The following ERC2 variants were observed in gnomAD, a reference collection of about 807,000 sequenced individuals.
The protein encoded by ERC2 is ERC protein 2.
Under a neutral mutation model 114.8 loss-of-function variants are expected in ERC2, and 42 were observed. The ratio of observed to expected loss-of-function variants is 0.37; its 90% CI spans 0.29 to 0.47. The LOEUF is 0.47. Ranked by LOEUF, ERC2 falls within the 20% of genes least tolerant of loss-of-function variation. ERC2 has a pLI of 0.99. For synonymous variants in ERC2, 454 were observed against 425.5 expected, an observed-to-expected ratio of 1.07 and a Z score of -0.82; for missense variants, 939 against 1,150.7, an observed-to-expected ratio of 0.82 and a Z score of 2.66.
chr3:56,012,934 T>C (rs909592284), intron 8 of ERC2, among the ~76,000 whole-genome samples: 1 of 152,234 alleles, frequency 6.6e-6, no homozygotes, highest in Non-Finnish European at 1.5e-5. Flanking sequence ...CATCTGGCTC[T>C]GCACAGGTCT....
At chr3:55,742,667 A>G (rs973960633) in intron 14 of ERC2, among the ~76,000 whole-genome samples, 1 of 152,184 alleles carries the variant, frequency 6.6e-6, no homozygotes, top group Non-Finnish European at 1.5e-5. Flanking sequence ...TCTTTCCCTC[A>G]TGACCCTGAA....
At chr3:56,146,588 TG>T (rs2081149013) in intron 5 of ERC2, among the ~76,000 whole-genome samples, 1 of 152,232 alleles carries the variant, frequency 6.6e-6, no homozygotes, top group South Asian at 2.1e-4. Flanking sequence ...TCAATAATAA[TG>T]TTTATCATTA....
chr3:56,365,568 A>G (rs1369784951), intron 2 of ERC2, among the ~76,000 whole-genome samples: 1 of 152,268 alleles, frequency 6.6e-6, no homozygotes, highest in East Asian at 1.9e-4. Flanking sequence ...CCATGGCCAA[A>G]GGGCCAAATC....
At chr3:55,519,966 G>A (rs1243278308) in intron 17 of ERC2, among the ~76,000 whole-genome samples, 1 of 150,504 alleles carries the variant, frequency 6.6e-6, no homozygotes, top group Non-Finnish European at 1.5e-5. Context: ...AAGGTGGGAG[G>A]ATTGATTGAG....
chr3:56,422,671 G>A (rs1404910700), intron 2 of ERC2, among the ~76,000 whole-genome samples: 1 of 152,084 alleles, frequency 6.6e-6, no homozygotes, highest in Non-Finnish European at 1.5e-5. Context: ...CAGATTCCTT[G>A]GTTTTCAAGC....
chr3:56,089,558 C>T (rs954134872), intron 6 of ERC2, among the ~76,000 whole-genome samples: 1 of 151,798 alleles, frequency 6.6e-6, no homozygotes, highest in African/African-American at 2.4e-5. Flanking sequence ...AGATACTCTA[C>T]ATTTTTTGTA....
chr3:55,831,712 C>T (rs1330599250), intron 14 of ERC2, among the ~76,000 whole-genome samples: 2 of 152,138 alleles, frequency 1.3e-5, no homozygotes, highest in Non-Finnish European at 2.9e-5. Context: ...GCATTTCCAT[C>T]TGAGGTACCG....
chr3:56,454,307 C>T (rs144944152), intron 1 of ERC2, among the ~76,000 whole-genome samples: 2 of 152,184 alleles, frequency 1.3e-5, no homozygotes, highest in South Asian at 2.1e-4. Context: ...AAGTGCCTAT[C>T]GATGTCCCTC....
chr3:55,653,954 T>C (rs374343447), intron 17 of ERC2, among the ~76,000 whole-genome samples: 33 of 152,328 alleles, frequency 2.2e-4, no homozygotes, highest in African/African-American at 7.7e-4. Context: ...GATTTTGAGC[T>C]ATCTAGTTCT....
At chr3:56,035,085 A>T (rs1297486332) in intron 7 of ERC2, among the ~76,000 whole-genome samples, 2 of 152,050 alleles carry the variant, frequency 1.3e-5, no homozygotes, top group Non-Finnish European at 2.9e-5. Context: ...AGCTAGACTA[A>T]TAAAAAATGA....
chr3:56,025,545 C>T (rs1415461758), intron 7 of ERC2, among the ~76,000 whole-genome samples: 1 of 152,104 alleles, frequency 6.6e-6, no homozygotes, highest in Non-Finnish European at 1.5e-5. Context: ...CCACACAGTA[C>T]TTCCCTCCCT....
At position 55,924,933 on chromosome 3, in the gene ERC2, C is replaced by T. The variant is rs79171185; in HGVS notation, c.2403+25492G>A. On this transcript the variant is annotated intron_variant, in intron 13 of 17. Coordinates refer to ENST00000288221, the MANE Select transcript of ERC2 (RefSeq NM_015576.3). ...CCAGTTTGGTTATAGTATGCACTAC[C>T]TTGCTAAGGACAGTACAGAGAATTA... 9.0e-3 allele frequency among the ~76,000 whole-genome samples: 1,371 copies of T among 152,260 alleles called. 20 individuals are homozygous for T. The highest frequency in any genetic ancestry group is 0.031 in the African/African-American group (1,290 of 41,548).
intron 2 of ERC2, among the ~76,000 whole-genome samples, chr3:56,353,612 A>C (rs1288059590): frequency 1.5e-5 from 2 of 133,016 alleles, no homozygotes; most frequent in African/African-American, 5.7e-5. Context: ...CAATGAGAAC[A>C]CTTGGACACA....
chr3:55,846,518 T>C (rs1355582085), intron 14 of ERC2, among the ~76,000 whole-genome samples: 1 of 152,206 alleles, frequency 6.6e-6, no homozygotes, highest in African/African-American at 2.4e-5. Context: ...TACCCAGTAA[T>C]GAGATTGCTG....
intron 7 of ERC2, among the ~76,000 whole-genome samples, chr3:56,035,663 C>G (rs1299841924): frequency 6.6e-6 from 1 of 152,198 alleles, no homozygotes; most frequent in Admixed American, 6.5e-5. Flanking sequence ...CAGCCTTCCT[C>G]CTCTCTGGAA....
chr3:56,171,738 A>T lies in ERC2; in HGVS notation c.1149+1708T>A, dbSNP rs146725452. 2.0e-5 allele frequency among the ~76,000 whole-genome samples: 3 copies of T among 152,118 alleles called. No homozygotes were observed. In the East Asian group the frequency reaches 5.8e-4, roughly 30 times the overall value. The stretch of plus-strand genomic sequence containing the variant: ...ATTTTTCTACTTTAAAAAGTCACAA[A>T]AAAAGGTACCAATTATCTTTGTATG... On this transcript the variant is annotated intron_variant, in intron 4 of 17. Coordinates refer to ENST00000288221, the MANE Select transcript of ERC2 (RefSeq NM_015576.3).
intron 17 of ERC2, among the ~76,000 whole-genome samples, chr3:55,633,972 T>C (rs1290803613): frequency 2.0e-5 from 3 of 152,140 alleles, no homozygotes; most frequent in African/African-American, 7.2e-5. Flanking sequence ...TATAGAGACT[T>C]CATTTGTGTT....
intron 17 of ERC2, among the ~76,000 whole-genome samples, chr3:55,581,749 C>T (rs955683020): frequency 6.6e-6 from 1 of 152,174 alleles, no homozygotes; most frequent in Non-Finnish European, 1.5e-5. Context: ...TCCATGACCT[C>T]TTCCAAAATG....
At chr3:55,830,750 C>A (rs2060532060) in intron 14 of ERC2, among the ~76,000 whole-genome samples, 1 of 152,020 alleles carries the variant, frequency 6.6e-6, no homozygotes, top group Admixed American at 6.5e-5. Flanking sequence ...CTGAGATCAG[C>A]TTGGGCAACA....
Sources: gnomAD v4.1 joint callset for allele counts (sites outside exome capture counted in the v4.1 genomes callset) on GRCh38, gnomAD v4.1.1 for gene constraint, MANE v1.5 for transcripts, NCBI Gene and HGNC (gene_info 2026-07-23, HGNC 2026-07-21) for gene names.